Variants in CYTH3 observed in about 807,000 individuals in gnomAD.
CYTH3 encodes the protein cytohesin 3.
In CYTH3, 23 loss-of-function variants were observed where a neutral mutation model predicts 55.1. The observed-to-expected ratio is 0.42, with a 90% confidence interval of 0.30 to 0.59. The LOEUF (loss-of-function observed/expected upper bound fraction) is 0.59, where lower values mean the gene tolerates loss of function less well. Among genes scored for constraint, CYTH3 ranks in the 20% least tolerant of loss-of-function variants. CYTH3 has a pLI of 0.20. For synonymous variants in CYTH3, 249 were observed against 194.9 expected (o/e 1.28, Z -2.31); for missense variants, 413 against 524.8 (o/e 0.79, Z 2.08).
At chr7:6,192,823 A>G (rs111319376) in intron 1 of CYTH3, among the ~76,000 whole-genome samples, 8,619 of 151,192 alleles carry the variant, frequency 0.057, 552 homozygotes, top group African/African-American at 0.16. Context: ...CTGAGCCACC[A>G]CACCTGGCCC....
At chr7:6,246,792 A>G (rs1213434255) in intron 1 of CYTH3, among the ~76,000 whole-genome samples, 1 of 149,342 alleles carries the variant, frequency 6.7e-6, no homozygotes, top group Non-Finnish European at 1.5e-5. Context: ...CTCTTTCAGT[A>G]TTTACAATAT....
chr7:6,252,809 T>G (rs1260868676), intron 1 of CYTH3, among the ~76,000 whole-genome samples: 1 of 152,232 alleles, frequency 6.6e-6, no homozygotes, highest in Non-Finnish European at 1.5e-5. Flanking sequence ...ATAGTTTGTC[T>G]TACTAAATTT....
intron 5 of CYTH3, among the ~76,000 whole-genome samples, chr7:6,174,119 CT>C (rs143187005): frequency 0.072 from 10,648 of 147,404 alleles, 738 homozygotes; most frequent in East Asian, 0.39. Flanking sequence ...ATTTTATATC[CT>C]TTTTTTTTTT....
At chr7:6,254,054 C>A (rs1347767423) in intron 1 of CYTH3, among the ~76,000 whole-genome samples, 1 of 151,666 alleles carries the variant, frequency 6.6e-6, no homozygotes, top group Non-Finnish European at 1.5e-5. Context: ...CAGTGGCAGG[C>A]ACCTATAATC....
intron 1 of CYTH3, among the ~76,000 whole-genome samples, chr7:6,268,742 A>G (rs1024851742): frequency 3.3e-5 from 5 of 152,224 alleles, no homozygotes; most frequent in African/African-American, 1.2e-4. Context: ...GCTACTGCCT[A>G]AAGCACCTGT....
At position 6,187,686 on chromosome 7, in the gene CYTH3, C is replaced by T. The variant is rs1166263271; in HGVS notation, c.153G>A (p.Glu51=). Residue 51 remains glutamate (E), a synonymous_variant, in exon 3 of 13, where the codon GAG becomes GAA. Transcript: ENST00000350796. ...CCTCTACGGAAGTTAGATTGTCGAT[C>T]TCTGTCATCACCTCTGCAATTTCAT... ...LKYEIAEVMT[E]IDNLTSVEES... 6.2e-7 allele frequency: 1 copy of T among 1,614,178 alleles called. No homozygotes were observed. The highest frequency in any genetic ancestry group is 1.7e-5 in the Admixed American group (1 of 60,028).
chr7:6,202,268 A>C (rs1784072831), intron 1 of CYTH3, among the ~76,000 whole-genome samples: 1 of 152,188 alleles, frequency 6.6e-6, no homozygotes, highest in South Asian at 2.1e-4. Context: ...AGAGTCCCTG[A>C]GGTCCCAGCT....
chr7:6,210,360 C>T (rs1032387498), intron 1 of CYTH3, among the ~76,000 whole-genome samples: 1 of 152,186 alleles, frequency 6.6e-6, no homozygotes, highest in African/African-American at 2.4e-5. Context: ...AAAGTCATCT[C>T]TGACAATTTA....
At chr7:6,231,606 A>T (rs1351296989) in intron 1 of CYTH3, among the ~76,000 whole-genome samples, 2 of 152,216 alleles carry the variant, frequency 1.3e-5, no homozygotes, top group Non-Finnish European at 2.9e-5. Flanking sequence ...CCCATGTATA[A>T]ATTAACAATA....
Position 6,208,449 on chromosome 7 carries a change from C to G in CYTH3, c.35-17918G>C, listed in dbSNP as rs529027513. 7.2e-5 allele frequency among the ~76,000 whole-genome samples: 11 copies of G among 152,352 alleles called. No homozygotes were observed. The South Asian group carries it at 1.9e-3, about 26-fold the overall frequency. On this transcript the variant is annotated intron_variant, in intron 1 of 12. Transcript: ENST00000350796. ...GGACAGTTTATTCCCCAGTTCCATA[C>G]AGCAAAACTAAACCTAAGGGCCAAG...
rs1172934202 is a variant in CYTH3, at chr7:6,190,489, T to C, written c.77A>G (p.Asp26Gly). ...AAGTTCCTTTTTTCTTCGACGAATG[T>C]CTAGAAGTTCTTCTCTCTCTTCTAA... ...LSLEEREELL[D>G]IRRRKKELID... is the part of the protein sequence containing the mutation. The change falls in exon 2 of 13, where the codon GAC becomes GGC. Residue 26 changes from aspartate (D) to glycine (G), a missense_variant. Transcript: ENST00000350796. 1 of 1,523,186 alleles carries C rather than the reference T, an allele frequency of 6.6e-7. No homozygotes were observed. Among genetic ancestry groups the C allele is most frequent in the African/African-American group, 1.4e-5 (1 of 71,556 alleles). 94.4% of individuals were successfully genotyped at this position (1,523,186 alleles called of 1,614,324 possible). A position where few individuals can be genotyped will look rare whatever the true frequency, so the allele number is the denominator to read the frequency against.
chr7:6,204,351 T>C (rs2128547545), intron 1 of CYTH3, among the ~76,000 whole-genome samples: 1 of 152,236 alleles, frequency 6.6e-6, no homozygotes, highest in African/African-American at 2.4e-5. Context: ...TAAAGCAGAG[T>C]TTAGAAAGCT....
At chr7:6,243,252 C>A (rs1283283707) in intron 1 of CYTH3, among the ~76,000 whole-genome samples, 1 of 152,198 alleles carries the variant, frequency 6.6e-6, no homozygotes, top group Non-Finnish European at 1.5e-5. Flanking sequence ...AAGAGCCCAG[C>A]GGGCTGGGCC....
At chr7:6,220,355 A>C (rs1463678615) in intron 1 of CYTH3, among the ~76,000 whole-genome samples, 1 of 152,196 alleles carries the variant, frequency 6.6e-6, no homozygotes, top group Middle Eastern at 3.2e-3. Flanking sequence ...AGTAGACCAT[A>C]AGTTTAAATG....
intron 1 of CYTH3, among the ~76,000 whole-genome samples, chr7:6,235,088 G>A (rs1158367522): frequency 6.6e-6 from 1 of 152,070 alleles, no homozygotes; most frequent in African/African-American, 2.4e-5. Flanking sequence ...TTTGCCATGC[G>A]CATGTATATT....
intron 1 of CYTH3, among the ~76,000 whole-genome samples, chr7:6,204,777 CTA>C (rs1784146086): frequency 6.6e-6 from 1 of 152,200 alleles, no homozygotes; most frequent in African/African-American, 2.4e-5. Flanking sequence ...TTAGAGTGCT[CTA>C]TGTTTCCTGT....
chr7:6,237,566 G>C (rs1779555879), intron 1 of CYTH3, among the ~76,000 whole-genome samples: 1 of 152,070 alleles, frequency 6.6e-6, no homozygotes, highest in South Asian at 2.1e-4. Flanking sequence ...AAATTAGCCA[G>C]GCATGGTGGC....
chr7:6,269,477 T>C (rs1009435830), intron 1 of CYTH3, among the ~76,000 whole-genome samples: 1 of 152,092 alleles, frequency 6.6e-6, no homozygotes, highest in African/African-American at 2.4e-5. Flanking sequence ...CCAATTATAG[T>C]TAATTCACCT....
At chr7:6,246,426 C>T (rs180767978) in intron 1 of CYTH3, among the ~76,000 whole-genome samples, 9 of 152,134 alleles carry the variant, frequency 5.9e-5, no homozygotes, top group Admixed American at 3.9e-4. Context: ...AGAATTTTTG[C>T]GTGACATGAC....
Sources: allele counts gnomAD v4.1 joint callset (sites outside exome capture counted in the v4.1 genomes callset), GRCh38; gene constraint gnomAD v4.1.1; transcripts MANE v1.5; gene names NCBI Gene and HGNC (gene_info 2026-07-23, HGNC 2026-07-21).